The following DENND1A variants were observed in gnomAD, a reference collection of about 807,000 sequenced individuals.
The protein encoded by DENND1A is DENN domain-containing protein 1A.
A neutral mutation model predicts 113.7 loss-of-function variants in DENND1A; 51 were observed. The ratio of observed to expected loss-of-function variants is 0.45; its 90% confidence interval spans 0.36 to 0.57. DENND1A has a LOEUF of 0.57. DENND1A is among the 20% of genes least tolerant of loss of function. The pLI is 0.00. For synonymous variants in DENND1A, 565 were observed against 570.8 expected (o/e 0.99, Z 0.14); for missense variants, 1,258 against 1,395.9 (o/e 0.90, Z 1.57).
rs1279206605 is a variant in DENND1A, at chr9:123,380,196, T to A, written c.*1236A>T. 1 of 152,404 alleles carries A rather than the reference T, an allele frequency of 6.6e-6. No individual in the cohort carries two copies. Among genetic ancestry groups the A allele is most frequent in the African/African-American group, 2.4e-5 (1 of 41,452 alleles). The allele number at this position is 152,404 out of a possible 1,614,324, so 9.4% of individuals were successfully genotyped here. ...GTCGAAATGCTCACAATTTCCTGCG[T>A]GTCTCAGATGGTTGTTTTCTTAAAT... On this transcript the variant is annotated 3_prime_UTR_variant, in exon 24 of 24. Coordinates refer to ENST00000394215, the MANE Select transcript of DENND1A (RefSeq NM_001352964.2).
intron 13 of DENND1A, among the ~76,000 whole-genome samples, chr9:123,548,385 G>A (rs1022095551): frequency 6.6e-6 from 1 of 152,150 alleles, no homozygotes; most frequent in East Asian, 1.9e-4. Context: ...AAAATATACC[G>A]GAAAATAAAA....
chr9:123,848,245 A>C (rs901312139), intron 2 of DENND1A, among the ~76,000 whole-genome samples: 7 of 151,050 alleles, frequency 4.6e-5, no homozygotes, highest in African/African-American at 1.7e-4. Flanking sequence ...AAAAAAAAAA[A>C]AAAAAAAAAA....
intron 19 of DENND1A, among the ~76,000 whole-genome samples, chr9:123,424,837 TG>T (rs1263511328): frequency 2.0e-5 from 3 of 152,256 alleles, no homozygotes; most frequent in Non-Finnish European, 4.4e-5. Context: ...TGAAGGGGCT[TG>T]GCTGAGACAC....
At chr9:123,580,360 C>T (rs553506131) in intron 12 of DENND1A, among the ~76,000 whole-genome samples, 8 of 152,352 alleles carry the variant, frequency 5.3e-5, no homozygotes, top group South Asian at 4.1e-4. Context: ...CTTCTGTGCC[C>T]GACTCCTATT....
intron 1 of DENND1A, among the ~76,000 whole-genome samples, chr9:123,889,738 C>T (rs1849627532): frequency 1.3e-5 from 2 of 151,990 alleles, no homozygotes; most frequent in South Asian, 2.1e-4. Flanking sequence ...TTTGGGAGGC[C>T]GAGGCAGGTA....
chr9:123,473,702 G>C (rs1453447632), intron 13 of DENND1A, among the ~76,000 whole-genome samples: 1 of 152,152 alleles, frequency 6.6e-6, no homozygotes, highest in Admixed American at 6.5e-5. Context: ...CTTTCGGCCT[G>C]TTCCTCTGGT....
chr9:123,594,393 G>A (rs1308262210), intron 11 of DENND1A, among the ~76,000 whole-genome samples: 1 of 152,142 alleles, frequency 6.6e-6, no homozygotes, highest in African/African-American at 2.4e-5. Context: ...CTGAGGGTCA[G>A]AGAGGTAAAA....
chr9:123,692,501 G>C (rs1213631856), intron 5 of DENND1A, among the ~76,000 whole-genome samples: 1 of 152,072 alleles, frequency 6.6e-6, no homozygotes, highest in Admixed American at 6.5e-5. Flanking sequence ...ATTATAAATG[G>C]GTCACTAGTA....
chr9:123,828,278 G>T (rs1241974312), intron 2 of DENND1A, among the ~76,000 whole-genome samples: 1 of 151,976 alleles, frequency 6.6e-6, no homozygotes, highest in African/African-American at 2.4e-5. Flanking sequence ...TAACTCAGTG[G>T]ACAATAGATT....
chr9:123,865,494 A>G (rs1845685140), intron 2 of DENND1A, among the ~76,000 whole-genome samples: 1 of 152,190 alleles, frequency 6.6e-6, no homozygotes, highest in African/African-American at 2.4e-5. Context: ...CCCCTCCACC[A>G]TGTGTGCAGA....
At chr9:123,576,320 TAC>T (rs1589207513) in intron 12 of DENND1A, among the ~76,000 whole-genome samples, 1 of 152,200 alleles carries the variant, frequency 6.6e-6, no homozygotes, top group African/African-American at 2.4e-5. Flanking sequence ...TTTTAGAAAT[TAC>T]AAATGAGAAA....
chr9:123,640,554 A>G (rs941180065), intron 9 of DENND1A, among the ~76,000 whole-genome samples: 1 of 152,058 alleles, frequency 6.6e-6, no homozygotes, highest in African/African-American at 2.4e-5. Flanking sequence ...CCTATCTGCT[A>G]TTACGACGAT....
chr9:123,864,891 T>G (rs1166226465), intron 2 of DENND1A, among the ~76,000 whole-genome samples: 1 of 152,216 alleles, frequency 6.6e-6, no homozygotes, highest in Non-Finnish European at 1.5e-5. Flanking sequence ...GAGTGCCTAC[T>G]ACATTCCAGT....
chr9:123,481,547 T>C (rs1181369443), intron 13 of DENND1A, among the ~76,000 whole-genome samples: 1 of 152,152 alleles, frequency 6.6e-6, no homozygotes, highest in Non-Finnish European at 1.5e-5. Context: ...TCTGAGAGAT[T>C]AAGAAACCCA....
intron 13 of DENND1A, among the ~76,000 whole-genome samples, chr9:123,533,491 G>C (rs956954): frequency 6.6e-6 from 1 of 152,222 alleles, no homozygotes; most frequent in Non-Finnish European, 1.5e-5. Flanking sequence ...TCAGAGCCCA[G>C]AGCTCACCTG....
chr9:123,777,662 C>A lies in DENND1A; in HGVS notation c.133-8099G>T, dbSNP rs558123208. On this transcript the variant is annotated intron_variant, in intron 3 of 23. Coordinates refer to ENST00000394215, the MANE Select transcript of DENND1A (RefSeq NM_001352964.2). ...CCTGGTTTCTTCTGATAGACAGGATCATAGTTTGGTAATATACCTAACCTT... is the reference window on the plus strand; with the variant it reads ...CCTGGTTTCTTCTGATAGACAGGATAATAGTTTGGTAATATACCTAACCTT... Among the ~76,000 whole-genome samples, 5 of 152,282 alleles carry A rather than the reference C, an allele frequency of 3.3e-5. 1 individual carries two copies. The South Asian group carries it at 1.0e-3, about 32-fold the overall frequency.
chr9:123,841,064 G>C (rs1031206879), intron 2 of DENND1A, among the ~76,000 whole-genome samples: 3 of 152,114 alleles, frequency 2.0e-5, no homozygotes, highest in African/African-American at 7.2e-5. Context: ...ATATATACGA[G>C]AGTTTGACTT....
At chr9:123,528,838 C>G (rs114873655) in intron 13 of DENND1A, among the ~76,000 whole-genome samples, 1 of 152,180 alleles carries the variant, frequency 6.6e-6, no homozygotes, top group Non-Finnish European at 1.5e-5. Context: ...AGTCCAGCCA[C>G]GGAGAACAAC....
intron 11 of DENND1A, among the ~76,000 whole-genome samples, chr9:123,596,549 G>A (rs1412675276): frequency 6.6e-6 from 1 of 152,182 alleles, no homozygotes; most frequent in African/African-American, 2.4e-5. Flanking sequence ...TAGAGTATCA[G>A]AGTTAAGATT....
Sources: gnomAD v4.1 joint callset for allele counts (sites outside exome capture counted in the v4.1 genomes callset) on GRCh38, gnomAD v4.1.1 for gene constraint, MANE v1.5 for transcripts, NCBI Gene and HGNC (gene_info 2026-07-23, HGNC 2026-07-21) for gene names.